ANO4: variants seen among roughly 807,000 people sequenced by gnomAD.
ANO4 encodes anoctamin-4.
In ANO4, 69 loss-of-function variants were observed where a neutral mutation model predicts 141.9. That is an observed-to-expected ratio of 0.49 (90% CI 0.40 to 0.59). The LOEUF (loss-of-function observed/expected upper bound fraction) is 0.59. Among genes scored for constraint, ANO4 ranks in the 20% least tolerant of loss-of-function variants. The pLI is 0.00. For synonymous variants in ANO4, 350 were observed against 394.3 expected (o/e 0.89, Z 1.33); for missense variants, 894 against 1,162.2 (o/e 0.77, Z 3.36).
chr12:100,796,545 ACG>A (rs201422066), intron 1 of ANO4, among the ~76,000 whole-genome samples: 2,412 of 152,192 alleles, frequency 0.016, 50 homozygotes, highest in African/African-American at 0.055. Context: ...GTAAAAGCAT[ACG>A]TTTAAATAAA....
At position 100,899,346 on chromosome 12, in the gene ANO4, C is replaced by T. The variant is rs556136885; in HGVS notation, c.-140-2300C>T. The stretch of plus-strand genomic sequence containing the variant: ...AGCTCACACTGAGAACCCTAGCTGC[C>T]AGGTAGACAGGAACACTAGCGTGAA... On this transcript the variant is annotated intron_variant, in intron 1 of 27. Coordinates refer to ENST00000392977, the MANE Select transcript of ANO4 (RefSeq NM_001286615.2). 1.1e-4 allele frequency among the ~76,000 whole-genome samples: 17 copies of T among 152,290 alleles called. No homozygotes were observed. In the South Asian group the frequency reaches 2.9e-3, roughly 26 times the overall value.
At chr12:100,897,869 G>A (rs2040418317) in intron 1 of ANO4, among the ~76,000 whole-genome samples, 1 of 152,192 alleles carries the variant, frequency 6.6e-6, no homozygotes, top group Non-Finnish European at 1.5e-5. Context: ...AAGAGCTTAG[G>A]CCAAAGGACT....
At chr12:100,873,957 C>G (rs1194950924) in intron 1 of ANO4, among the ~76,000 whole-genome samples, 1 of 152,216 alleles carries the variant, frequency 6.6e-6, no homozygotes. Flanking sequence ...CTCCCTGTGT[C>G]CTAGCTGCTC....
chr12:101,020,495 T>G (rs2046482524), intron 9 of ANO4, among the ~76,000 whole-genome samples: 1 of 152,030 alleles, frequency 6.6e-6, no homozygotes, highest in South Asian at 2.1e-4. Context: ...TACAATAACA[T>G]GAAGAAATTA....
intron 2 of ANO4, among the ~76,000 whole-genome samples, chr12:100,735,963 G>A (rs1404407871): frequency 6.6e-6 from 1 of 152,194 alleles, no homozygotes; most frequent in Non-Finnish European, 1.5e-5. Flanking sequence ...TACGTTGTGT[G>A]TGTTTGGAGG....
chr12:100,798,920 T>C (rs751322392), intron 1 of ANO4, among the ~76,000 whole-genome samples: 1 of 152,222 alleles, frequency 6.6e-6, no homozygotes, highest in Non-Finnish European at 1.5e-5. Flanking sequence ...GCCATTCTTA[T>C]AGAAAGCAGA....
chr12:100,857,916 A>G (rs2038266405), intron 1 of ANO4, among the ~76,000 whole-genome samples: 1 of 152,156 alleles, frequency 6.6e-6, no homozygotes, highest in Non-Finnish European at 1.5e-5. Context: ...TAATATTCAA[A>G]CCTCATTTGA....
chr12:100,956,287 G>A (rs987327393), intron 5 of ANO4, among the ~76,000 whole-genome samples: 1 of 152,164 alleles, frequency 6.6e-6, no homozygotes, highest in Non-Finnish European at 1.5e-5. Context: ...GATGGTCTTC[G>A]AAGAAGGTGG....
chr12:100,739,552 A>G (rs945117589), intron 2 of ANO4, among the ~76,000 whole-genome samples: 4 of 152,152 alleles, frequency 2.6e-5, no homozygotes, highest in Non-Finnish European at 5.9e-5. Flanking sequence ...TGCAGTTTCT[A>G]TCTTATAGTA....
intron 3 of ANO4, among the ~76,000 whole-genome samples, chr12:100,743,964 C>A (rs2031985008): frequency 6.6e-6 from 1 of 152,134 alleles, no homozygotes; most frequent in African/African-American, 2.4e-5. Flanking sequence ...ACTTCCATCA[C>A]CACTACCACC....
Position 100,739,800 on chromosome 12 carries a change from G to C in ANO4, c.107-54G>C. The C allele has an allele frequency of 4.4e-6, 3 of 685,274 alleles. No homozygotes were observed. The South Asian group carries it at 4.5e-5, about 10-fold the overall frequency. 42.4% of individuals were successfully genotyped at this position (685,274 alleles called of 1,614,324 possible). On this transcript the variant is annotated intron_variant, in intron 2 of 29. Transcript: ENST00000644049. ...AGATTTTGGGGAAGTATGAAAATAAGCACACTATATGGCTTTGATTGCTGC... is the reference window on the plus strand; with the variant it reads ...AGATTTTGGGGAAGTATGAAAATAACCACACTATATGGCTTTGATTGCTGC...
chr12:100,869,976 C>G (rs187165792), intron 1 of ANO4, among the ~76,000 whole-genome samples: 1 of 152,116 alleles, frequency 6.6e-6, no homozygotes, highest in African/African-American at 2.4e-5. Context: ...TTTTTCCTGG[C>G]AAAGTGGTTC....
At chr12:100,953,043 CA>C (rs746806116) in intron 5 of ANO4, among the ~76,000 whole-genome samples, 2 of 152,126 alleles carry the variant, frequency 1.3e-5, no homozygotes, top group Non-Finnish European at 2.9e-5. Context: ...TGTCATCCCA[CA>C]AAAAGAAACT....
At chr12:101,096,675 C>T (rs1243300365) in intron 19 of ANO4, 28 bp downstream of exon 19, 1 of 1,545,578 alleles carries the variant, frequency 6.5e-7, no homozygotes, top group Non-Finnish European at 8.9e-7. Flanking sequence ...GCACACCTCC[C>T]CAAGCTGAGG....
At chr12:100,889,688 G>A (rs2040012442) in intron 1 of ANO4, among the ~76,000 whole-genome samples, 1 of 152,158 alleles carries the variant, frequency 6.6e-6, no homozygotes, top group African/African-American at 2.4e-5. Flanking sequence ...ACCACAATGA[G>A]ATACCATCTC....
At chr12:100,927,681 TTTAAA>T (rs1361836176) in intron 3 of ANO4, among the ~76,000 whole-genome samples, 3 of 152,236 alleles carry the variant, frequency 2.0e-5, no homozygotes, top group African/African-American at 7.2e-5. Flanking sequence ...TCATTCTCAC[TTTAAA>T]TTATTTTCAA....
chr12:100,960,385 C>T (rs117560453), intron 5 of ANO4, among the ~76,000 whole-genome samples: 130 of 151,748 alleles, frequency 8.6e-4, no homozygotes, highest in Non-Finnish European at 1.6e-3. Context: ...TCATAAGAGC[C>T]CCATTTATTG....
chr12:100,986,937 C>T (rs569869284), intron 7 of ANO4, among the ~76,000 whole-genome samples: 1 of 152,128 alleles, frequency 6.6e-6, no homozygotes, highest in Non-Finnish European at 1.5e-5. Flanking sequence ...ATGTGTGTCA[C>T]GATGCCCTAG....
chr12:100,911,316 T>G (rs1274198391), intron 2 of ANO4, among the ~76,000 whole-genome samples: 2 of 152,208 alleles, frequency 1.3e-5, no homozygotes, highest in Non-Finnish European at 2.9e-5. Context: ...ATTCTCTTAT[T>G]TAATGTGCTA....
Sources: allele counts gnomAD v4.1 joint callset (sites outside exome capture counted in the v4.1 genomes callset), GRCh38; gene constraint gnomAD v4.1.1; transcripts MANE v1.5; gene names NCBI Gene and HGNC (gene_info 2026-07-23, HGNC 2026-07-21).